Variants in ARHGEF17 observed in about 807,000 individuals in gnomAD.
ARHGEF17 encodes Rho guanine nucleotide exchange factor 17.
ARHGEF17 carries 80 observed loss-of-function variants against 174.0 expected under a neutral mutation model. That is an observed-to-expected ratio of 0.46 (90% CI 0.38 to 0.55). The LOEUF is 0.55. Among genes scored for constraint, ARHGEF17 ranks in the 20% least tolerant of loss-of-function variants. The probability of loss-of-function intolerance (pLI) is 0.00; values close to 1 mark genes in which losing one functional copy is unlikely to be tolerated. For synonymous variants in ARHGEF17, 1,311 were observed against 1,189.1 expected, an observed-to-expected ratio of 1.10 and a Z score of -2.11; for missense variants, 2,886 against 2,839.7, an observed-to-expected ratio of 1.02 and a Z score of -0.37.
chr11:73,367,577 C>T lies in ARHGEF17; in HGVS notation c.5996-7C>T. On this transcript the variant is annotated splice_region_variant and splice_polypyrimidine_tract_variant and intron_variant, in intron 20 of 20. Transcript: ENST00000263674. Reference sequence around the variant, plus strand: ...CCAAGCTGACAGATCCTCCCCTCTGCCCCCAGGCCCCGAGAAGCTGCCATC... The same window carrying T: ...CCAAGCTGACAGATCCTCCCCTCTGTCCCCAGGCCCCGAGAAGCTGCCATC... The T allele has an allele frequency of 6.2e-7, 1 of 1,606,464 alleles. No individual in the cohort carries two copies. The highest frequency in any genetic ancestry group is 8.5e-7 in the Non-Finnish European group (1 of 1,175,228).
rs374655454 is a variant in ARHGEF17 at position 73,363,172 on chromosome 11, G to A, written c.4997-34G>A. On this transcript the variant is annotated intron_variant, in intron 14 of 20. Coordinates refer to ENST00000263674, the MANE Select transcript of ARHGEF17 (RefSeq NM_014786.4). The stretch of plus-strand genomic sequence containing the variant: ...GATATCAGGTCCCAGGCCTGGCAGA[G>A]GGAAATGGAGACAGAGACCTTTGTC... 1.7e-4 allele frequency: 249 copies of A among 1,498,984 alleles called. 1 individual carries two copies. The African/African-American group carries it at 3.2e-3, about 19-fold the overall frequency. 92.9% of individuals were successfully genotyped at this position (1,498,984 alleles called of 1,614,324 possible).
rs942491495 is a variant in ARHGEF17, at chr11:73,308,313, C to T, written c.-326C>T. 1 of 288,512 alleles carries T rather than the reference C, an allele frequency of 3.5e-6. No individual in the cohort carries two copies. Among genetic ancestry groups the T allele is most frequent in the Non-Finnish European group, 6.4e-6 (1 of 156,036 alleles). 17.9% of individuals were successfully genotyped at this position (288,512 alleles called of 1,614,324 possible). A position where few individuals can be genotyped will look rare whatever the true frequency, so the allele number is the denominator to read the frequency against. On this transcript the variant is annotated 5_prime_UTR_variant, in exon 1 of 21. Coordinates refer to ENST00000263674, the MANE Select transcript of ARHGEF17 (RefSeq NM_014786.4). Reference sequence around the variant, plus strand: ...GGAGCGAGCAGCCAAGGGCGTTGGGCAGGCGGACGCAGAGTCGAGGAACCA... The same window carrying T: ...GGAGCGAGCAGCCAAGGGCGTTGGGTAGGCGGACGCAGAGTCGAGGAACCA...
Position 73,369,289 on chromosome 11 carries a change from G to A in ARHGEF17, c.*1509G>A, listed in dbSNP as rs1417606062. The A allele has an allele frequency of 6.6e-6, 1 of 152,252 alleles. No homozygotes were observed. The highest frequency in any genetic ancestry group is 1.5e-5 in the Non-Finnish European group (1 of 68,060). The allele number at this position is 152,252 out of a possible 1,614,324, so 9.4% of individuals were successfully genotyped here. A position where few individuals can be genotyped will look rare whatever the true frequency, so the allele number is the denominator to read the frequency against. ...CAGTTTCCTCATCAGGAAAATAAAG[G>A]GGTTGTACCAGTTCAGTGCTTTGTA... On this transcript the variant is annotated 3_prime_UTR_variant, in exon 21 of 21. Coordinates refer to ENST00000263674, the MANE Select transcript of ARHGEF17 (RefSeq NM_014786.4).
intron 1 of ARHGEF17, among the ~76,000 whole-genome samples, chr11:73,336,820 T>C (rs988070998): frequency 1.3e-5 from 2 of 152,188 alleles, no homozygotes; most frequent in African/African-American, 4.8e-5. Flanking sequence ...CTTGAAGGCA[T>C]CCTCACTCAC....
In ARHGEF17 at chr11:73,308,983, C is replaced by T; in HGVS notation, c.345C>T (p.Ala115=). ...GVLPAAAEEA[A]EGPARGAWPS... is the part of the protein sequence containing the mutation. The stretch of plus-strand genomic sequence containing the variant: ...TACCCGCGGCCGCGGAAGAAGCGGC[C>T]GAGGGCCCAGCGCGAGGAGCCTGGC... Residue 115 remains alanine (A), a synonymous_variant, in exon 1 of 21, where the codon GCC becomes GCT. Coordinates refer to ENST00000263674, the MANE Select transcript of ARHGEF17 (RefSeq NM_014786.4). The T allele has an allele frequency of 1.5e-6, 2 of 1,375,730 alleles. No individual in the cohort carries two copies. Among genetic ancestry groups the T allele is most frequent in the South Asian group, 1.6e-5 (1 of 60,798 alleles). 85.2% of individuals were successfully genotyped at this position (1,375,730 alleles called of 1,614,324 possible).
chr11:73,342,439 G>T (rs1295098837), intron 1 of ARHGEF17, among the ~76,000 whole-genome samples: 1 of 152,160 alleles, frequency 6.6e-6, no homozygotes, highest in African/African-American at 2.4e-5. Context: ...GCCTGTTTCT[G>T]CTGGCAATAG....
At position 73,356,365 on chromosome 11, in the gene ARHGEF17, GCC is replaced by G. The variant is rs1272132779; in HGVS notation, c.3840+17_3840+18del. ...GGCATGGAGGATGTGCGTGCGCCCT[GCC>G]CCACCCCACCCTACCCCACCCCACC... On this transcript the variant is annotated intron_variant, in intron 6 of 20. Coordinates refer to ENST00000263674, the MANE Select transcript of ARHGEF17 (RefSeq NM_014786.4). 1.9e-6 allele frequency: 3 copies of G among 1,593,376 alleles called. No individual in the cohort carries two copies. Among genetic ancestry groups the G allele is most frequent in the Non-Finnish European group, 2.6e-6 (3 of 1,173,966 alleles).
Position 73,357,347 on chromosome 11 carries a change from T to C in ARHGEF17, c.4087+20T>C. 1.9e-6 allele frequency: 3 copies of C among 1,606,942 alleles called. No individual in the cohort carries two copies. Among genetic ancestry groups the C allele is most frequent in the South Asian group, 1.1e-5 (1 of 89,894 alleles). On this transcript the variant is annotated intron_variant, in intron 9 of 20. Transcript: ENST00000263674. ...TCAAAGGTGGGTTTGATGCTAGGGG[T>C]TCTGGGTGTTGGGGTCTTCCTCTGA...
chr11:73,311,636 G>T lies in ARHGEF17; in HGVS notation c.2998G>T (p.Ala1000Ser), dbSNP rs1225649757. The change falls in exon 1 of 21, where the codon GCA becomes TCA. Residue 1000 changes from alanine (A) to serine (S), a missense_variant. Coordinates refer to ENST00000263674, the MANE Select transcript of ARHGEF17 (RefSeq NM_014786.4). ...FPTRAHPTLQ[A>S]PSLEDVTKQY... ...TACCCGAGCCCATCCCACGTTGCAG[G>T]CACCATCGCTCGAGGACGTCACCAA... is the stretch of plus-strand genomic sequence containing the variant. The T allele has an allele frequency of 6.2e-7, 1 of 1,613,268 alleles. No homozygotes were observed. Among genetic ancestry groups the T allele is most frequent in the Non-Finnish European group, 8.5e-7 (1 of 1,179,880 alleles).
chr11:73,318,141 C>T (rs1353337289), intron 1 of ARHGEF17, among the ~76,000 whole-genome samples: 2 of 152,154 alleles, frequency 1.3e-5, no homozygotes, highest in Non-Finnish European at 2.9e-5. Context: ...CCCACCATCC[C>T]ACTAGGCTGC....
At chr11:73,358,946 C>T (rs1010849480) in intron 9 of ARHGEF17, among the ~76,000 whole-genome samples, 16 of 152,152 alleles carry the variant, frequency 1.1e-4, no homozygotes, top group African/African-American at 2.9e-4. Context: ...CCCTGTCCAG[C>T]GTGACTCCAT....
At chr11:73,313,485 C>T (rs932058874) in intron 1 of ARHGEF17, among the ~76,000 whole-genome samples, 19 of 152,204 alleles carry the variant, frequency 1.2e-4, no homozygotes, top group Admixed American at 3.3e-4. Flanking sequence ...TAAGAGAAGG[C>T]TTTGAGACCC....
chr11:73,362,313 G>A, intron 13 of ARHGEF17, 74 bp downstream of exon 13: 2 of 1,449,216 alleles, frequency 1.4e-6, no homozygotes, highest in South Asian at 2.9e-5. Context: ...ACACTCTCAG[G>A]CCGCCCCGGC....
rs1010415197 is a variant in ARHGEF17, at chr11:73,331,447, C to T, written c.3193-15436C>T. Among the ~76,000 whole-genome samples, 90 of 152,148 alleles carry T rather than the reference C, an allele frequency of 5.9e-4. 1 individual carries two copies. The highest frequency in any genetic ancestry group is 2.0e-4 in the Admixed American group (3 of 15,286). The stretch of plus-strand genomic sequence containing the variant: ...CCTGGCCCCAGCGTAGCCTATACCA[C>T]CTCCCCTCCCCCACTCCTGGGCCCC... On this transcript the variant is annotated intron_variant, in intron 1 of 20. Coordinates refer to ENST00000263674, the MANE Select transcript of ARHGEF17 (RefSeq NM_014786.4).
At position 73,357,054 on chromosome 11, in the gene ARHGEF17, T is replaced by G. The variant is rs138800410; in HGVS notation, c.3921T>G (p.Ser1307=). 7.2e-5 allele frequency: 117 copies of G among 1,614,092 alleles called. No individual in the cohort carries two copies. In the African/African-American group the frequency reaches 1.5e-3, roughly 21 times the overall value. Residue 1307 remains serine, a synonymous_variant, in exon 8 of 21, where the codon TCT becomes TCG. Transcript: ENST00000263674. The stretch of plus-strand genomic sequence containing the variant: ...CGATCGGTGGCAAGAAGGACCGGTC[T>G]CTCTTCCTGTTCACGGACCTCATCG... The part of the protein sequence containing the change: ...VKAIGGKKDR[S]LFLFTDLIVC...
intron 13 of ARHGEF17, 31 bp from the exon 14 acceptor site, chr11:73,362,402 C>T: frequency 2.0e-6 from 3 of 1,510,388 alleles, no homozygotes; most frequent in South Asian, 1.3e-5. Flanking sequence ...TGGCTCGTAG[C>T]TGCTGTCATC....
intron 1 of ARHGEF17, among the ~76,000 whole-genome samples, chr11:73,335,565 TA>T (rs372024283): frequency 8.1e-5 from 12 of 147,332 alleles, no homozygotes; most frequent in Admixed American, 3.4e-4. Flanking sequence ...AAACCCACAT[TA>T]AAAAAAAAAC....
chr11:73,324,919 T>A (rs1865076867), intron 1 of ARHGEF17, among the ~76,000 whole-genome samples: 1 of 151,770 alleles, frequency 6.6e-6, no homozygotes, highest in African/African-American at 2.4e-5. Flanking sequence ...AAGGAATGAG[T>A]GTTTCCTCCC....
At chr11:73,312,501 C>T (rs1440988959) in intron 1 of ARHGEF17, among the ~76,000 whole-genome samples, 1 of 152,158 alleles carries the variant, frequency 6.6e-6, no homozygotes, top group Non-Finnish European at 1.5e-5. Flanking sequence ...GCCTATGTTT[C>T]CATCCAGCTG....
Sources: allele counts gnomAD v4.1 joint callset (sites outside exome capture counted in the v4.1 genomes callset), GRCh38; gene constraint gnomAD v4.1.1; transcripts MANE v1.5; gene names NCBI Gene and HGNC (gene_info 2026-07-23, HGNC 2026-07-21).